PLPPR1: variants seen among roughly 807,000 people sequenced by gnomAD.
PLPPR1 encodes the protein phospholipid phosphatase-related protein type 1.
PLPPR1 carries 10 observed loss-of-function variants against 33.1 expected under a neutral mutation model. That is an observed-to-expected ratio of 0.30 (90% confidence interval 0.19 to 0.51). The LOEUF is 0.51. Among genes scored for constraint, PLPPR1 ranks in the 20% least tolerant of loss-of-function variants. PLPPR1 has a pLI of 0.97. For synonymous variants in PLPPR1, 151 were observed against 151.0 expected (o/e 1.00, Z 0.00); for missense variants, 304 against 408.1 (o/e 0.74, Z 2.20).
At chr9:101,197,621 C>T (rs1029945976) in intron 2 of PLPPR1, among the ~76,000 whole-genome samples, 1 of 152,152 alleles carries the variant, frequency 6.6e-6, no homozygotes, top group Non-Finnish European at 1.5e-5. Flanking sequence ...AACTATGTGC[C>T]TATCAAGTGT....
At chr9:101,231,521 T>G (rs1408220270) in intron 2 of PLPPR1, among the ~76,000 whole-genome samples, 1 of 152,074 alleles carries the variant, frequency 6.6e-6, no homozygotes, top group Non-Finnish European at 1.5e-5. Context: ...TTAAAATGTC[T>G]TATGTGATTA....
At chr9:101,219,124 C>A (rs566685291) in intron 2 of PLPPR1, among the ~76,000 whole-genome samples, 2 of 152,332 alleles carry the variant, frequency 1.3e-5, no homozygotes, top group South Asian at 2.1e-4. Context: ...AGAAGTCACA[C>A]AGCATCAGCA....
chr9:101,140,249 TA>T (rs1831432501), intron 1 of PLPPR1, among the ~76,000 whole-genome samples: 1 of 151,992 alleles, frequency 6.6e-6, no homozygotes, highest in African/African-American at 2.4e-5. Flanking sequence ...AAACAGAAAA[TA>T]AGGTGAATAA....
At chr9:101,305,748 G>A (rs188271789) in intron 4 of PLPPR1, among the ~76,000 whole-genome samples, 17 of 152,142 alleles carry the variant, frequency 1.1e-4, no homozygotes, top group East Asian at 9.7e-4. Flanking sequence ...CTTCATGCAC[G>A]TTTCCTGGTT....
chr9:101,271,903 TA>T (rs889861041), intron 3 of PLPPR1, among the ~76,000 whole-genome samples: 7 of 151,910 alleles, frequency 4.6e-5, no homozygotes, highest in Non-Finnish European at 1.0e-4. Flanking sequence ...TAAAAAAATA[TA>T]AAAAAGGGAA....
chr9:101,309,277 A>C lies in PLPPR1; in HGVS notation c.452A>C (p.His151Pro), dbSNP rs1393379158. ...FVNAGQVVTG[H>P]LTPYFLTVCK... The stretch of plus-strand genomic sequence containing the variant: ...AACGCCGGACAAGTGGTCACTGGGC[A>C]CTTAACGCCATACTTCCTGACTGTG... The change falls in exon 5 of 8, where the codon CAC becomes CCC. Residue 151 changes from histidine to proline, a missense_variant. Transcript: ENST00000374874. 1 of 1,614,056 alleles carries C rather than the reference A, an allele frequency of 6.2e-7. No homozygotes were observed. The highest frequency in any genetic ancestry group is 8.5e-7 in the Non-Finnish European group (1 of 1,180,032).
At chr9:101,178,244 G>A (rs1385990156) in intron 1 of PLPPR1, among the ~76,000 whole-genome samples, 1 of 152,188 alleles carries the variant, frequency 6.6e-6, no homozygotes, top group Non-Finnish European at 1.5e-5. Flanking sequence ...TTACACGTGG[G>A]CTCAGCATCA....
At position 101,298,742 on chromosome 9, in the gene PLPPR1, C is replaced by T. The variant is rs563373005; in HGVS notation, c.386-10469C>T. Among the ~76,000 whole-genome samples, 4 of 151,446 alleles carry T rather than the reference C, an allele frequency of 2.6e-5. No homozygotes were observed. The East Asian group carries it at 5.8e-4, about 22-fold the overall frequency. On this transcript the variant is annotated intron_variant, in intron 4 of 7. Coordinates refer to ENST00000374874, the MANE Select transcript of PLPPR1 (RefSeq NM_207299.2). ...TATGAGTGAACCAAATAGAAATGTG[C>T]CCTCATTCAGTTTATAGTCTGATAG...
At chr9:101,249,305 C>G (rs1372640755) in intron 2 of PLPPR1, among the ~76,000 whole-genome samples, 1 of 152,050 alleles carries the variant, frequency 6.6e-6, no homozygotes, top group Non-Finnish European at 1.5e-5. Flanking sequence ...TTTAAGTGAG[C>G]TTAGAAATCA....
intron 1 of PLPPR1, among the ~76,000 whole-genome samples, chr9:101,167,202 CACACACACACAT>C (rs1430014731): frequency 1.2e-4 from 4 of 33,914 alleles, no homozygotes; most frequent in African/African-American, 3.8e-4. Context: ...CTCTCTCTCA[CACACACACACAT>C]ACACACACAC....
intron 2 of PLPPR1, among the ~76,000 whole-genome samples, chr9:101,235,102 A>G (rs560698037): frequency 9.2e-5 from 14 of 151,978 alleles, no homozygotes; most frequent in South Asian, 8.3e-4. Context: ...TTTTGATGGT[A>G]TTTAACAATC....
At chr9:101,304,826 T>G (rs1424255727) in intron 4 of PLPPR1, among the ~76,000 whole-genome samples, 2 of 152,136 alleles carry the variant, frequency 1.3e-5, no homozygotes. Flanking sequence ...GTGTGGCTCA[T>G]TGGTACTCTA....
At chr9:101,212,114 G>A (rs1272337805) in intron 2 of PLPPR1, among the ~76,000 whole-genome samples, 11 of 151,798 alleles carry the variant, frequency 7.2e-5, no homozygotes, top group Admixed American at 4.6e-4. Flanking sequence ...ATGGAGTCTC[G>A]CTCTGTCACC....
intron 1 of PLPPR1, among the ~76,000 whole-genome samples, chr9:101,160,339 G>A (rs1201486512): frequency 6.6e-6 from 1 of 152,132 alleles, no homozygotes; most frequent in Non-Finnish European, 1.5e-5. Flanking sequence ...ACTTCTAAGG[G>A]TTGTTGTGGA....
At chr9:101,051,263 A>G in intron 1 of PLPPR1, among the ~76,000 whole-genome samples, 1 of 151,490 alleles carries the variant, frequency 6.6e-6, no homozygotes. Flanking sequence ...TACTACTACT[A>G]CTACTACTAC....
chr9:101,079,968 A>G (rs539863140), intron 1 of PLPPR1, among the ~76,000 whole-genome samples: 2 of 152,312 alleles, frequency 1.3e-5, no homozygotes, highest in African/African-American at 4.8e-5. Flanking sequence ...CTGAAATTTT[A>G]CTGTGAAATT....
rs370193024 is a variant in PLPPR1, at chr9:101,237,836, T to TATATATATATATAG, written c.64-32044_64-32043insATATATATATATAG. Reference sequence around the variant, plus strand: ...GTGTGCATATATATATATATATATATGCTATATATGTGTGTGTGTATATAT... The same window carrying TATATATATATATAG: ...GTGTGCATATATATATATATATATATATATATATATATAGGCTATATATGTGTGTGTGTATATAT... On this transcript the variant is annotated intron_variant, in intron 2 of 7. Transcript: ENST00000374874. 1.3e-3 allele frequency among the ~76,000 whole-genome samples: 166 copies of TATATATATATATAG among 129,888 alleles called. 2 individuals are homozygous for TATATATATATATAG. The highest frequency in any genetic ancestry group is 4.4e-3 in the African/African-American group (150 of 34,170). 85.2% of individuals were successfully genotyped at this position (129,888 alleles called of 152,430 possible).
chr9:101,259,054 C>T (rs893148442), intron 2 of PLPPR1, among the ~76,000 whole-genome samples: 1 of 152,012 alleles, frequency 6.6e-6, no homozygotes, highest in African/African-American at 2.4e-5. Flanking sequence ...TTATCCCTTC[C>T]TTGATGTAGT....
At position 101,139,737 on chromosome 9, in the gene PLPPR1, A is replaced by G. The variant is rs555000708; in HGVS notation, c.-45-45713A>G. Among the ~76,000 whole-genome samples the G allele has an allele frequency of 9.2e-5, 14 of 152,314 alleles. No homozygotes were observed. In the South Asian group the frequency reaches 2.1e-3, roughly 23 times the overall value. On this transcript the variant is annotated intron_variant, in intron 1 of 7. Transcript: ENST00000374874. ...TATATAATTGGCCAATGGAGTGACT[A>G]TATTTTAGAAGTTAATACATTTTTA...
Sources: gnomAD v4.1 joint callset for allele counts (sites outside exome capture counted in the v4.1 genomes callset) on GRCh38, gnomAD v4.1.1 for gene constraint, MANE v1.5 for transcripts, NCBI Gene and HGNC (gene_info 2026-07-23, HGNC 2026-07-21) for gene names.